Variants in KIAA1328 observed in about 807,000 individuals in gnomAD.
The protein encoded by KIAA1328 is protein hinderin.
A neutral mutation model predicts 68.1 loss-of-function variants in KIAA1328; 52 were observed. The ratio of observed to expected loss-of-function variants is 0.76; its 90% CI spans 0.61 to 0.96. KIAA1328 has a LOEUF of 0.96. Among genes scored for constraint, KIAA1328 ranks in the 40% least tolerant of loss-of-function variants. KIAA1328 has a pLI of 0.00. For missense variants in KIAA1328, 641 were observed against 677.6 expected (o/e 0.95, Z 0.60); for synonymous variants, 232 against 239.4 (o/e 0.97, Z 0.28).
rs190373747 is a variant in KIAA1328, at chr18:37,092,240, G to A, written c.1232+24695G>A. ...CCTACAGCCAAGTGCACCATAGGAA[G>A]GCCTAATGAGAGGTCCACCCTACCT... On this transcript the variant is annotated intron_variant, in intron 7 of 9. Transcript: ENST00000280020. 9.0e-4 allele frequency among the ~76,000 whole-genome samples: 137 copies of A among 152,120 alleles called. 1 individual carries two copies. The South Asian group carries it at 9.3e-3, about 10-fold the overall frequency.
intron 6 of KIAA1328, among the ~76,000 whole-genome samples, chr18:37,022,379 C>G (rs2054382143): frequency 6.6e-6 from 1 of 152,134 alleles, no homozygotes; most frequent in Non-Finnish European, 1.5e-5. Flanking sequence ...ACCCACTATA[C>G]TCCCAGTTTA....
intron 6 of KIAA1328, among the ~76,000 whole-genome samples, chr18:37,013,432 AC>A (rs2054044026): frequency 1.3e-5 from 2 of 152,158 alleles, no homozygotes. Context: ...GGTTTGGGGT[AC>A]AAACGATCCT....
intron 7 of KIAA1328, among the ~76,000 whole-genome samples, chr18:37,106,575 C>T (rs12960070): frequency 3.9e-5 from 6 of 152,022 alleles, no homozygotes; most frequent in Admixed American, 6.6e-5. Flanking sequence ...TGCCCCACCA[C>T]GCCTGGCTCC....
chr18:36,960,322 G>A (rs1437137307), intron 6 of KIAA1328, among the ~76,000 whole-genome samples: 2 of 152,222 alleles, frequency 1.3e-5, no homozygotes, highest in Non-Finnish European at 2.9e-5. Flanking sequence ...ACTGGATGGA[G>A]CCCACCGCAG....
intron 6 of KIAA1328, among the ~76,000 whole-genome samples, chr18:37,004,750 G>A (rs1163404157): frequency 2.6e-5 from 4 of 152,052 alleles, no homozygotes; most frequent in Non-Finnish European, 5.9e-5. Context: ...CCACTGCTAG[G>A]TATCTACCCA....
intron 6 of KIAA1328, among the ~76,000 whole-genome samples, chr18:37,036,066 A>C (rs534380029): frequency 6.6e-6 from 1 of 152,310 alleles, no homozygotes; most frequent in South Asian, 2.1e-4. Context: ...GTAGAAAGGT[A>C]TTATCTGAAT....
At chr18:36,832,309 G>A (rs954151400) in intron 1 of KIAA1328, among the ~76,000 whole-genome samples, 4 of 152,024 alleles carry the variant, frequency 2.6e-5, no homozygotes, top group Non-Finnish European at 5.9e-5. Flanking sequence ...TTTGTTGGCC[G>A]CTTGCGGTGG....
At chr18:37,107,168 G>A (rs2057798640) in intron 7 of KIAA1328, among the ~76,000 whole-genome samples, 1 of 152,190 alleles carries the variant, frequency 6.6e-6, no homozygotes, top group Non-Finnish European at 1.5e-5. Context: ...CTTGAGCTCA[G>A]GCAGAGGCTG....
At chr18:36,961,784 C>T (rs1251791236) in intron 6 of KIAA1328, among the ~76,000 whole-genome samples, 1 of 152,140 alleles carries the variant, frequency 6.6e-6, no homozygotes, top group Non-Finnish European at 1.5e-5. Context: ...TTGTCACCAC[C>T]AGGCCTGCCT....
intron 7 of KIAA1328, among the ~76,000 whole-genome samples, chr18:37,129,029 G>A (rs2058459438): frequency 6.6e-6 from 1 of 152,054 alleles, no homozygotes; most frequent in African/African-American, 2.4e-5. Context: ...GACTGCAAAG[G>A]GACCTAAGGG....
chr18:37,032,719 G>A (rs1437575650), intron 6 of KIAA1328, among the ~76,000 whole-genome samples: 3 of 151,990 alleles, frequency 2.0e-5, no homozygotes, highest in Admixed American at 6.6e-5. Flanking sequence ...TTGGCTCACC[G>A]CAACCTCCGC....
intron 7 of KIAA1328, among the ~76,000 whole-genome samples, chr18:37,068,239 A>G (rs1430206599): frequency 6.6e-6 from 1 of 152,180 alleles, no homozygotes; most frequent in Non-Finnish European, 1.5e-5. Context: ...CAGTGAGATT[A>G]GCTGTCATCA....
At chr18:36,847,375 T>C (rs1022193767) in intron 4 of KIAA1328, among the ~76,000 whole-genome samples, 1 of 151,634 alleles carries the variant, frequency 6.6e-6, no homozygotes, top group Non-Finnish European at 1.5e-5. Flanking sequence ...TAGCAACTTA[T>C]GTGAGTTCCA....
In KIAA1328 at chr18:37,067,336, T is replaced by A. The variant is rs755698231; in HGVS notation, c.1023T>A (p.Ser341=). 6.2e-7 allele frequency: 1 copy of A among 1,613,990 alleles called. No homozygotes were observed. Among genetic ancestry groups the A allele is most frequent in the South Asian group, 1.1e-5 (1 of 91,080 alleles). Residue 341 remains serine (S), a synonymous_variant, in exon 7 of 10, where the codon TCT becomes TCA. Transcript: ENST00000280020. Reference sequence around the variant, plus strand: ...AATCATGCAGTTATTGTCGGCTTTCTTGGGCATCTCTGGTGCATGGTGGTG... The same window carrying A: ...AATCATGCAGTTATTGTCGGCTTTCATGGGCATCTCTGGTGCATGGTGGTG... The part of the protein sequence containing the change: ...HPESCSYCRL[S]WASLVHGGGA...
At chr18:36,945,642 C>T (rs1473013735) in intron 5 of KIAA1328, among the ~76,000 whole-genome samples, 1 of 152,156 alleles carries the variant, frequency 6.6e-6, no homozygotes, top group African/African-American at 2.4e-5. Context: ...TACTACATTA[C>T]AGAGTACTTG....
chr18:37,174,350 C>G (rs1339837943), intron 9 of KIAA1328, among the ~76,000 whole-genome samples: 2 of 151,052 alleles, frequency 1.3e-5, no homozygotes, highest in East Asian at 3.9e-4. Context: ...AACTAGTTTG[C>G]CGCATCCTTT....
At chr18:37,190,510 G>A (rs1171414946) in intron 9 of KIAA1328, among the ~76,000 whole-genome samples, 1 of 152,172 alleles carries the variant, frequency 6.6e-6, no homozygotes. Flanking sequence ...CCTGGAGGAT[G>A]CTGCGCGAGT....
At position 37,224,648 on chromosome 18, in the gene KIAA1328, G is replaced by A; in HGVS notation, c.*2421G>A. ...TGAAAGGTTGTTACAGAGCCTCAAA[G>A]CTGTTGCAGACTATCCCAAGAGAAA... On this transcript the variant is annotated 3_prime_UTR_variant, in exon 10 of 10. Coordinates refer to ENST00000280020, the MANE Select transcript of KIAA1328 (RefSeq NM_020776.3). 14 of 985,362 alleles carry A rather than the reference G, an allele frequency of 1.4e-5. No individual in the cohort carries two copies. The highest frequency in any genetic ancestry group is 1.7e-5 in the Non-Finnish European group (14 of 829,900). 61.0% of individuals were successfully genotyped at this position (985,362 alleles called of 1,614,324 possible).
At chr18:36,830,820 A>G (rs2046458764) in intron 1 of KIAA1328, among the ~76,000 whole-genome samples, 2 of 152,222 alleles carry the variant, frequency 1.3e-5, no homozygotes, top group African/African-American at 4.8e-5. Context: ...CAGGGGAAAA[A>G]TGGTGGCGAT....
Sources: allele counts gnomAD v4.1 joint callset (sites outside exome capture counted in the v4.1 genomes callset), GRCh38; gene constraint gnomAD v4.1.1; transcripts MANE v1.5; gene names NCBI Gene and HGNC (gene_info 2026-07-23, HGNC 2026-07-21).